DIAPH2: variants seen among roughly 807,000 people sequenced by gnomAD.
The protein encoded by DIAPH2 is diaphanous related formin 2.
DIAPH2 carries 35 observed loss-of-function variants against 92.7 expected under a neutral mutation model. The observed-to-expected ratio is 0.38, with a 90% CI of 0.29 to 0.50. DIAPH2 has a LOEUF of 0.50. Ranked by LOEUF, DIAPH2 falls within the 20% of genes least tolerant of loss-of-function variation. DIAPH2 has a pLI of 0.94. For missense variants in DIAPH2, 701 were observed against 819.5 expected (o/e 0.86, Z 1.77); for synonymous variants, 301 against 280.4 (o/e 1.07, Z -0.73).
At chrX:97,113,526 G>A (rs748769623) in intron 20 of DIAPH2, among the ~76,000 whole-genome samples, 1 of 112,294 alleles carries the variant, frequency 8.9e-6, no homozygotes, top group Admixed American at 9.4e-5. Flanking sequence ...TGAAAAGCAT[G>A]AAAGCATATA....
intron 20 of DIAPH2, among the ~76,000 whole-genome samples, chrX:97,100,014 C>T (rs970321216): frequency 4.5e-5 from 5 of 111,576 alleles, no homozygotes; most frequent in Admixed American, 9.6e-5. Context: ...TAAAATACTT[C>T]AAAATATCTC....
intron 26 of DIAPH2, among the ~76,000 whole-genome samples, chrX:97,565,486 C>T (rs955984101): frequency 1.8e-5 from 2 of 111,933 alleles, no homozygotes; most frequent in Non-Finnish European, 3.8e-5. Flanking sequence ...CCTAATAAAA[C>T]TTTAAAAAAG....
intron 4 of DIAPH2, among the ~76,000 whole-genome samples, chrX:96,770,937 A>G (rs187283035): frequency 4.1e-4 from 46 of 111,956 alleles, no homozygotes; most frequent in African/African-American, 1.5e-3. Flanking sequence ...TAACTTGTAC[A>G]TTATACTTAT....
chrX:96,948,100 A>G (rs921559303), intron 14 of DIAPH2, among the ~76,000 whole-genome samples: 11 of 112,541 alleles, frequency 9.8e-5, no homozygotes, highest in Non-Finnish European at 1.9e-4. Context: ...TTTGTGAAGT[A>G]CTGCTTTATG....
chrX:96,948,432 G>A (rs142558328), intron 14 of DIAPH2, among the ~76,000 whole-genome samples: 4,481 of 110,395 alleles, frequency 0.041, 242 homozygotes, highest in African/African-American at 0.14. Context: ...AATTAGCCAG[G>A]TGTGGTGGTG....
intron 22 of DIAPH2, among the ~76,000 whole-genome samples, chrX:97,240,433 C>G (rs1370229905): frequency 9.1e-6 from 1 of 110,477 alleles, no homozygotes; most frequent in Non-Finnish European, 1.9e-5. Flanking sequence ...AGTGAAACCC[C>G]GTCTCTACTA....
chrX:96,751,069 G>A (rs1216795002), intron 3 of DIAPH2, among the ~76,000 whole-genome samples: 1 of 112,160 alleles, frequency 8.9e-6, no homozygotes, highest in African/African-American at 3.2e-5. Flanking sequence ...GAATGACTGA[G>A]AATTGAAGAA....
chrX:96,691,920 G>A (rs2063799787), intron 1 of DIAPH2, among the ~76,000 whole-genome samples: 2 of 111,863 alleles, frequency 1.8e-5, no homozygotes, highest in South Asian at 7.5e-4. Flanking sequence ...CAAGGGAGAA[G>A]AGATTTTGGG....
At chrX:97,434,208 T>C (rs543846251) in intron 26 of DIAPH2, among the ~76,000 whole-genome samples, 31 of 111,167 alleles carry the variant, frequency 2.8e-4, no homozygotes, top group African/African-American at 9.8e-4. Flanking sequence ...CTCTAAGCAA[T>C]GGGGATTTAT....
rs757328845 is a variant in DIAPH2 at position 97,331,707 on chromosome X, G to A, written c.2845-16409G>A. On this transcript the variant is annotated intron_variant, in intron 23 of 26. Transcript: ENST00000324765. ...GTACTTTATATCGTGAAATGCACTT[G>A]TTTTCAACCATGCAAACAGTTTTAT... Among the ~76,000 whole-genome samples the A allele has an allele frequency of 8.9e-5, 10 of 111,887 alleles. No individual in the cohort carries two copies. In the South Asian group the frequency reaches 3.7e-3, roughly 42 times the overall value.
intron 25 of DIAPH2, among the ~76,000 whole-genome samples, chrX:97,396,443 G>A (rs763355126): frequency 9.0e-6 from 1 of 110,596 alleles, no homozygotes; most frequent in South Asian, 3.9e-4. Flanking sequence ...AGGCTGAGGC[G>A]GGCAGATCAT....
intron 16 of DIAPH2, among the ~76,000 whole-genome samples, chrX:96,962,442 C>CAT (rs1175762704): frequency 6.3e-4 from 35 of 55,525 alleles, no homozygotes; most frequent in African/African-American, 2.7e-3. Flanking sequence ...TATATATATA[C>CAT]ATATATACAC....
At chrX:97,112,653 G>A (rs1234645347) in intron 20 of DIAPH2, among the ~76,000 whole-genome samples, 1 of 106,674 alleles carries the variant, frequency 9.4e-6, no homozygotes, top group African/African-American at 3.4e-5. Flanking sequence ...AGGTATGTAT[G>A]TCATATATAC....
intron 3 of DIAPH2, among the ~76,000 whole-genome samples, chrX:96,757,370 T>C (rs1339050327): frequency 8.9e-6 from 1 of 112,168 alleles, no homozygotes; most frequent in Non-Finnish European, 1.9e-5. Context: ...ACCTATTCTG[T>C]AGATTGACTT....
At chrX:97,090,458 C>A (rs914749540) in intron 19 of DIAPH2, among the ~76,000 whole-genome samples, 1 of 109,433 alleles carries the variant, frequency 9.1e-6, no homozygotes, top group Non-Finnish European at 1.9e-5. Context: ...CTCTCCAGTC[C>A]CTGTCCCCCT....
At chrX:96,705,396 T>C (rs774661057) in intron 1 of DIAPH2, among the ~76,000 whole-genome samples, 10 of 111,957 alleles carry the variant, frequency 8.9e-5, no homozygotes, top group Non-Finnish European at 1.7e-4. Flanking sequence ...CATAGGTATT[T>C]CTTGTTTTAA....
At chrX:96,754,399 G>C (rs1326937824) in intron 3 of DIAPH2, among the ~76,000 whole-genome samples, 1 of 111,983 alleles carries the variant, frequency 8.9e-6, no homozygotes, top group African/African-American at 3.2e-5. Flanking sequence ...TATAAAAACA[G>C]TCTACCAGAT....
chrX:96,754,160 C>T (rs780151152), intron 3 of DIAPH2, among the ~76,000 whole-genome samples: 30 of 111,867 alleles, frequency 2.7e-4, no homozygotes, highest in South Asian at 7.5e-4. Flanking sequence ...GTTTCCTGAC[C>T]GGTCTCCTTC....
chrX:96,905,998 A>G (rs984541860), intron 5 of DIAPH2, among the ~76,000 whole-genome samples: 7 of 112,056 alleles, frequency 6.2e-5, no homozygotes, highest in African/African-American at 2.3e-4. Context: ...GTGTGGCGGC[A>G]GGCGCCTGTA....
Sources: allele counts gnomAD v4.1 joint callset (sites outside exome capture counted in the v4.1 genomes callset), GRCh38; gene constraint gnomAD v4.1.1; transcripts MANE v1.5; gene names NCBI Gene and HGNC (gene_info 2026-07-23, HGNC 2026-07-21).